The following PCDH15 variants were observed in gnomAD, a reference collection of about 807,000 sequenced individuals.
PCDH15 encodes the protein protocadherin-15.
PCDH15 carries 129 observed loss-of-function variants against 178.5 expected under a neutral mutation model. That is an observed-to-expected ratio of 0.72 (90% CI 0.63 to 0.84). The LOEUF is 0.84. PCDH15 is among the 40% of genes least tolerant of loss of function. The pLI is 0.00. For synonymous variants in PCDH15, 800 were observed against 732.0 expected (o/e 1.09, Z -1.50); for missense variants, 2,230 against 2,099.9 (o/e 1.06, Z -1.21).
At chr10:55,129,473 C>T (rs1333677172) in intron 2 of PCDH15, among the ~76,000 whole-genome samples, 2 of 152,140 alleles carry the variant, frequency 1.3e-5, no homozygotes, top group South Asian at 2.1e-4. Flanking sequence ...CCTAAGTTTC[C>T]TCTCATCTCT....
intron 2 of PCDH15, among the ~76,000 whole-genome samples, chr10:54,643,140 G>A (rs2094032218): frequency 1.3e-5 from 2 of 152,052 alleles, no homozygotes; most frequent in African/African-American, 2.4e-5. Flanking sequence ...GGCCAGGCTG[G>A]TCTCAAACTC....
intron 2 of PCDH15, among the ~76,000 whole-genome samples, chr10:54,636,342 C>T (rs2093852423): frequency 6.6e-6 from 1 of 151,822 alleles, no homozygotes; most frequent in African/African-American, 2.4e-5. Context: ...TCCCATTCCC[C>T]TGTCTCTTTA....
chr10:55,093,423 T>A (rs1284100225), intron 2 of PCDH15, among the ~76,000 whole-genome samples: 1 of 152,078 alleles, frequency 6.6e-6, no homozygotes, highest in Non-Finnish European at 1.5e-5. Flanking sequence ...AGATTTTCTG[T>A]AGTTTGCCTG....
intron 13 of PCDH15, among the ~76,000 whole-genome samples, chr10:54,168,985 C>T (rs192360282): frequency 7.9e-5 from 12 of 152,222 alleles, no homozygotes; most frequent in African/African-American, 2.2e-4. Context: ...TGAACCGCAG[C>T]GGCCAGGCGT....
intron 8 of PCDH15, among the ~76,000 whole-genome samples, chr10:54,295,491 C>T (rs1035036958): frequency 1.3e-5 from 2 of 152,182 alleles, no homozygotes; most frequent in East Asian, 1.9e-4. Flanking sequence ...CTCTTAGGGT[C>T]CACACCACCT....
intron 5 of PCDH15, among the ~76,000 whole-genome samples, chr10:54,367,645 G>A (rs1000931276): frequency 5.9e-5 from 9 of 151,792 alleles, no homozygotes; most frequent in Admixed American, 2.6e-4. Context: ...ATCACACACC[G>A]GGGCCTGTTG....
At chr10:55,158,149 A>G (rs1838949205) in intron 2 of PCDH15, among the ~76,000 whole-genome samples, 1 of 150,628 alleles carries the variant, frequency 6.6e-6, no homozygotes. Context: ...GAAGAAATTC[A>G]TGTTTTATAC....
At chr10:55,616,986 C>T (rs1472500613) in intron 2 of PCDH15, among the ~76,000 whole-genome samples, 1 of 151,896 alleles carries the variant, frequency 6.6e-6, no homozygotes, top group African/African-American at 2.4e-5. Flanking sequence ...TACATTAATA[C>T]ATTACTTAGT....
At chr10:54,442,391 A>T (rs1280723702) in intron 3 of PCDH15, among the ~76,000 whole-genome samples, 1,017 of 30,548 alleles carry the variant, frequency 0.033, 35 homozygotes, top group African/African-American at 0.081. Context: ...CTTTTTTTTT[A>T]AAAAAAAAAA....
At chr10:54,065,490 C>A (rs1454030632) in intron 18 of PCDH15, among the ~76,000 whole-genome samples, 1 of 152,068 alleles carries the variant, frequency 6.6e-6, no homozygotes, top group African/African-American at 2.4e-5. Context: ...CATTGGACAC[C>A]AGAGGTACTA....
chr10:55,060,005 G>A (rs894232762), intron 2 of PCDH15, among the ~76,000 whole-genome samples: 4 of 151,538 alleles, frequency 2.6e-5, no homozygotes, highest in African/African-American at 9.7e-5. Flanking sequence ...AAAATTAGTT[G>A]AATTGGAACA....
At chr10:54,728,667 T>C (rs1467434891) in intron 1 of PCDH15, among the ~76,000 whole-genome samples, 1 of 151,354 alleles carries the variant, frequency 6.6e-6, no homozygotes, top group Non-Finnish European at 1.5e-5. Flanking sequence ...AATGGGATTC[T>C]ATGCCTAGAA....
intron 1 of PCDH15, among the ~76,000 whole-genome samples, chr10:55,270,118 T>C (rs1842403387): frequency 1.3e-5 from 2 of 152,114 alleles, no homozygotes; most frequent in Admixed American, 1.3e-4. Context: ...CCTTTTACCA[T>C]ATACAAAAAT....
At chr10:55,551,716 G>C (rs558992462) in intron 2 of PCDH15, among the ~76,000 whole-genome samples, 2 of 151,674 alleles carry the variant, frequency 1.3e-5, no homozygotes, top group African/African-American at 4.8e-5. Context: ...ACTTCTGAGA[G>C]CTATTACTGT....
chr10:54,521,069 G>A (rs1031399463), intron 3 of PCDH15, among the ~76,000 whole-genome samples: 1 of 117,762 alleles, frequency 8.5e-6, no homozygotes, highest in African/African-American at 3.3e-5. Context: ...TTGTGGGGTG[G>A]GGGGAGGGGG....
intron 2 of PCDH15, among the ~76,000 whole-genome samples, chr10:54,611,553 T>C (rs115613597): frequency 0.013 from 1,925 of 151,952 alleles, 43 homozygotes; most frequent in African/African-American, 0.044. Context: ...CCAATAGGAA[T>C]CACACATGTT....
intron 2 of PCDH15, among the ~76,000 whole-genome samples, chr10:55,159,575 G>C (rs1481302377): frequency 6.7e-6 from 1 of 148,542 alleles, no homozygotes; most frequent in African/African-American, 2.5e-5. Flanking sequence ...AATTTATTGA[G>C]AGAGAAAAGA....
intron 2 of PCDH15, among the ~76,000 whole-genome samples, chr10:55,336,124 G>GAAAAAAAAAAAAAAAAA (rs748988261): frequency 1.7e-5 from 1 of 59,276 alleles, no homozygotes; most frequent in African/African-American, 5.9e-5. Flanking sequence ...CTTGGTATTT[G>GAAAAAAAAAAAAAAAAA]AAAAAAAAAA....
At chr10:53,999,740 G>A (rs1179210313) in intron 20 of PCDH15, among the ~76,000 whole-genome samples, 2 of 152,200 alleles carry the variant, frequency 1.3e-5, no homozygotes, top group Non-Finnish European at 2.9e-5. Flanking sequence ...CTTCCAGACG[G>A]TAACTTTGAA....
Sources: gnomAD v4.1 joint callset for allele counts (sites outside exome capture counted in the v4.1 genomes callset) on GRCh38, gnomAD v4.1.1 for gene constraint, MANE v1.5 for transcripts, NCBI Gene and HGNC (gene_info 2026-07-23, HGNC 2026-07-21) for gene names.